KALRN: variants seen among roughly 807,000 people sequenced by gnomAD.
The protein encoded by KALRN is kalirin.
Under a neutral mutation model 353.7 loss-of-function variants are expected in KALRN, and 70 were observed. The observed-to-expected ratio is 0.20, with a 90% CI of 0.16 to 0.24. The LOEUF (loss-of-function observed/expected upper bound fraction) is 0.24, where lower values mean the gene tolerates loss of function less well. Among genes scored for constraint, KALRN ranks in the 10% least tolerant of loss-of-function variants. The pLI is 1.00. For synonymous variants in KALRN, 1,391 were observed against 1,434.8 expected (o/e 0.97, Z 0.69); for missense variants, 2,791 against 3,756.7 (o/e 0.74, Z 6.72).
At chr3:124,508,780 A>G (rs776067493) in intron 33 of KALRN, among the ~76,000 whole-genome samples, 14 of 152,204 alleles carry the variant, frequency 9.2e-5, no homozygotes, top group Non-Finnish European at 1.8e-4. Flanking sequence ...GCCAATATAT[A>G]TGAAGTTTTC....
chr3:124,381,981 C>G (rs1049305347), intron 10 of KALRN, among the ~76,000 whole-genome samples: 1 of 152,178 alleles, frequency 6.6e-6, no homozygotes, highest in Non-Finnish European at 1.5e-5. Context: ...TACCCATCCT[C>G]AGACTCCTGC....
At chr3:124,304,127 A>AACACACACACACACACACACACAC (rs3055892) in intron 6 of KALRN, among the ~76,000 whole-genome samples, 75 of 147,502 alleles carry the variant, frequency 5.1e-4, no homozygotes, top group African/African-American at 1.9e-3. Flanking sequence ...TTTTGTTGTA[A>AACACACACACACACACACACACAC]ACACACACAC....
chr3:124,076,500 A>G (rs2060265778), intron 1 of KALRN, among the ~76,000 whole-genome samples: 1 of 152,062 alleles, frequency 6.6e-6, no homozygotes, highest in African/African-American at 2.4e-5. Context: ...GTGTTAATGA[A>G]CCTTCATCCG....
intron 2 of KALRN, 63 bp downstream of exon 2, chr3:124,228,127 T>C: frequency 7.7e-7 from 1 of 1,294,184 alleles, no homozygotes; most frequent in Non-Finnish European, 1.1e-6. Context: ...TGCACATGTG[T>C]TCAGATTCAC....
At chr3:124,499,028 G>A (rs1416718748) in intron 33 of KALRN, among the ~76,000 whole-genome samples, 3 of 152,146 alleles carry the variant, frequency 2.0e-5, no homozygotes, top group Non-Finnish European at 2.9e-5. Context: ...CTGTGGGAGG[G>A]GAAGGGGTGG....
At chr3:124,364,820 T>C (rs1413644217) in intron 10 of KALRN, among the ~76,000 whole-genome samples, 3 of 152,220 alleles carry the variant, frequency 2.0e-5, no homozygotes, top group Non-Finnish European at 4.4e-5. Flanking sequence ...TCTCAAACCG[T>C]GCTTCTCTGA....
At chr3:124,490,366 A>G (rs2063020504) in intron 29 of KALRN, among the ~76,000 whole-genome samples, 1 of 152,246 alleles carries the variant, frequency 6.6e-6, no homozygotes, top group East Asian at 1.9e-4. Flanking sequence ...GTGGAGGACA[A>G]AGGAGCTATG....
At chr3:124,109,750 T>C (rs1303562681) in intron 1 of KALRN, among the ~76,000 whole-genome samples, 3 of 131,550 alleles carry the variant, frequency 2.3e-5, no homozygotes, top group Non-Finnish European at 3.2e-5. Context: ...ATATGACATA[T>C]ATATCATACT....
chr3:124,469,485 C>G (rs1473491822), intron 25 of KALRN, among the ~76,000 whole-genome samples: 5 of 152,132 alleles, frequency 3.3e-5, no homozygotes, highest in African/African-American at 1.2e-4. Flanking sequence ...CTATCTTAGC[C>G]CCTATGGTCT....
intron 33 of KALRN, among the ~76,000 whole-genome samples, chr3:124,537,364 G>A (rs1025320119): frequency 4.6e-5 from 7 of 152,104 alleles, no homozygotes; most frequent in Admixed American, 1.3e-4. Flanking sequence ...TTAAAACCAC[G>A]ATACTTTCAA....
intron 10 of KALRN, among the ~76,000 whole-genome samples, chr3:124,370,831 G>T (rs2085736920): frequency 6.6e-6 from 1 of 152,204 alleles, no homozygotes; most frequent in Non-Finnish European, 1.5e-5. Flanking sequence ...ATCAAACTGA[G>T]ATGTCTATGG....
chr3:124,442,582 A>T (rs1342612174), intron 19 of KALRN, among the ~76,000 whole-genome samples: 1 of 152,056 alleles, frequency 6.6e-6, no homozygotes, highest in Non-Finnish European at 1.5e-5. Flanking sequence ...GCCTTTTAAA[A>T]CTTTAGTTTC....
intron 34 of KALRN, among the ~76,000 whole-genome samples, chr3:124,588,227 T>C (rs1206970135): frequency 6.6e-6 from 1 of 152,116 alleles, no homozygotes; most frequent in African/African-American, 2.4e-5. Flanking sequence ...GGGTGATAAA[T>C]CATTGATGTC....
At chr3:124,452,438 T>A (rs1473676109) in intron 21 of KALRN, among the ~76,000 whole-genome samples, 1 of 152,180 alleles carries the variant, frequency 6.6e-6, no homozygotes, top group Non-Finnish European at 1.5e-5. Context: ...AGGAGACTTA[T>A]AAATAATGTG....
At chr3:124,400,264 AT>A (rs1222094020) in intron 13 of KALRN, among the ~76,000 whole-genome samples, 1 of 152,180 alleles carries the variant, frequency 6.6e-6, no homozygotes, top group Non-Finnish European at 1.5e-5. Context: ...AGAATCTGAA[AT>A]GTAAAAGAAA....
In KALRN at chr3:124,438,952, G is replaced by A. The variant is rs756927820; in HGVS notation, c.3113G>A (p.Arg1038Gln). 5 of 1,614,068 alleles carry A rather than the reference G, an allele frequency of 3.1e-6. No individual in the cohort carries two copies. The highest frequency in any genetic ancestry group is 3.4e-6 in the Non-Finnish European group (4 of 1,180,010). The change falls in exon 18 of 60, where the codon CGA becomes CAA. Residue 1038 changes from arginine to glutamine, a missense_variant. Arg to Gln is a conservative substitution (Grantham distance 43, BLOSUM62 1). Transcript: ENST00000682506. ...AGAGATGAGGACTGGTGTGGTGGAC[G>A]AGATAAGCTGGGGCCAGCAGCAGAG... ...YRRDEDWCGG[R>Q]DKLGPAAEID... is the part of the protein sequence containing the mutation.
At position 124,342,274 on chromosome 3, in the gene KALRN, C is replaced by T. The variant is rs189147838; in HGVS notation, c.1648-4869C>T. On this transcript the variant is annotated intron_variant, in intron 9 of 59. Transcript: ENST00000682506. The stretch of plus-strand genomic sequence containing the variant: ...TTTAGGATATCCATCACCCAAATAA[C>T]ATATATTGTACTCATTAAGTAATTT... 2.2e-3 allele frequency among the ~76,000 whole-genome samples: 329 copies of T among 152,174 alleles called. 1 individual carries two copies. Among genetic ancestry groups the T allele is most frequent in the African/African-American group, 7.7e-3 (321 of 41,504 alleles).
intron 34 of KALRN, among the ~76,000 whole-genome samples, chr3:124,606,763 G>A (rs2077388522): frequency 6.6e-6 from 1 of 152,084 alleles, no homozygotes; most frequent in Admixed American, 6.6e-5. Context: ...AATGTATGAA[G>A]AGTTCTTATA....
At chr3:124,446,495 C>A (rs996541809) in intron 20 of KALRN, among the ~76,000 whole-genome samples, 4 of 152,168 alleles carry the variant, frequency 2.6e-5, no homozygotes, top group African/African-American at 9.7e-5. Flanking sequence ...GCTAGGTCAC[C>A]CACTATGCCC....
Sources: gnomAD v4.1 joint callset for allele counts (sites outside exome capture counted in the v4.1 genomes callset) on GRCh38, gnomAD v4.1.1 for gene constraint, MANE v1.5 for transcripts, NCBI Gene and HGNC (gene_info 2026-07-23, HGNC 2026-07-21) for gene names.